H2AZ1: variants seen among roughly 807,000 people sequenced by gnomAD.
H2AZ1 encodes the protein histone H2A.Z.
H2AZ1 carries 3 observed loss-of-function variants against 16.6 expected under a neutral mutation model. That is an observed-to-expected ratio of 0.18 (90% CI 0.08 to 0.47). H2AZ1 has a LOEUF of 0.47. H2AZ1 is among the 20% of genes least tolerant of loss of function. The pLI is 0.98. For synonymous variants in H2AZ1, 78 were observed against 60.7 expected (o/e 1.28, Z -1.32); for missense variants, 27 against 163.6 (o/e 0.17, Z 4.55).
chr4:99,948,598 T>C (rs147645289), intron 4 of H2AZ1, 75 bp from the exon 5 acceptor site: 16,854 of 1,579,980 alleles, frequency 0.011, 139 homozygotes, highest in South Asian at 0.016. Flanking sequence ...AGAAAGTGTA[T>C]ACTGTTCAAC....
In H2AZ1 at chr4:99,948,836, G is replaced by T; in HGVS notation, c.300C>A (p.Leu100=). ...CACCACCAGCAATTGTAGCCTTGAT[G>T]AGAGAATCCAATTCTTCATCTCCAC... is the stretch of plus-strand genomic sequence containing the variant. ...AIRGDEELDS[L]IKATIAGGGV... Residue 100 remains leucine, a synonymous_variant, in exon 4 of 5, where the codon CTC becomes CTA. Transcript: ENST00000296417. The T allele has an allele frequency of 6.2e-7, 1 of 1,610,368 alleles. No individual in the cohort carries two copies. The highest frequency in any genetic ancestry group is 1.1e-5 in the South Asian group (1 of 90,910).
intron 1 of H2AZ1, 155 bp downstream of exon 1, chr4:99,950,013 C>T (rs1406076945): frequency 3.1e-6 from 2 of 635,154 alleles, no homozygotes; most frequent in East Asian, 3.2e-5. Flanking sequence ...GAGGCTGCTC[C>T]GCTAGCAGCC....
At chr4:99,948,563 T>TA (rs754277502) in intron 4 of H2AZ1, 40 bp from the exon 5 acceptor site, 14 of 1,604,838 alleles carry the variant, frequency 8.7e-6, no homozygotes, top group African/African-American at 6.7e-5. Flanking sequence ...TAAGATTTTT[T>TA]AAAAAATCAC....
chr4:99,949,175 C>G, intron 3 of H2AZ1, 98 bp downstream of exon 3: 1 of 738,940 alleles, frequency 1.4e-6, no homozygotes, highest in Non-Finnish European at 2.3e-6. Flanking sequence ...TCGCCGCGTT[C>G]AGGGCCTGGG....
At chr4:99,949,440 G>T (rs1383138790) in intron 2 of H2AZ1, 54 bp from the exon 3 acceptor site, 1 of 1,233,850 alleles carries the variant, frequency 8.1e-7, no homozygotes, top group Non-Finnish European at 1.2e-6. Flanking sequence ...AACTAGAGAT[G>T]GGGAAATTAT....
In H2AZ1 at chr4:99,950,274, G is replaced by T. The variant is rs1578249087; in HGVS notation, c.-104C>A. ...CCTTCGTCGCACCGCGATTCAAACT[G>T]CGCTGTCTCCCGCCTTCCCTGCTCC... On this transcript the variant is annotated 5_prime_UTR_variant, in exon 1 of 5. Transcript: ENST00000296417. 2.8e-6 allele frequency: 3 copies of T among 1,087,340 alleles called. No homozygotes were observed. Among genetic ancestry groups the T allele is most frequent in the Non-Finnish European group, 4.1e-6 (3 of 723,180 alleles). The allele number at this position is 1,087,340 out of a possible 1,614,324, so 67.4% of individuals were successfully genotyped here. A position where few individuals can be genotyped will look rare whatever the true frequency, so the allele number is the denominator to read the frequency against.
intron 1 of H2AZ1, 156 bp from the exon 2 acceptor site, chr4:99,949,896 G>A (rs890516323): frequency 3.8e-5 from 8 of 212,220 alleles, no homozygotes; most frequent in Admixed American, 6.7e-5. Flanking sequence ...GGGCGACCCC[G>A]CCCGTTCGCC....
chr4:99,949,107 T>C lies in H2AZ1; in HGVS notation c.195+166A>G, dbSNP rs1184569892. The C allele has an allele frequency of 4.5e-6, 3 of 669,652 alleles. No individual in the cohort carries two copies. In the Admixed American group the frequency reaches 8.1e-5, roughly 18 times the overall value. The allele number at this position is 669,652 out of a possible 1,614,324, so 41.5% of individuals were successfully genotyped here. A position where few individuals can be genotyped will look rare whatever the true frequency, so the allele number is the denominator to read the frequency against. On this transcript the variant is annotated intron_variant, in intron 3 of 4. Transcript: ENST00000296417. ...AATTTTAATTCCAAGAGCAGAGAAC[T>C]CAAGCTCAGTAGGATCCTTGTTGAA... is the stretch of plus-strand genomic sequence containing the variant.
rs545225901 is a variant in H2AZ1 at position 99,949,641 on chromosome 4, G to A, written c.81+22C>T. The A allele has an allele frequency of 1.8e-5, 29 of 1,603,840 alleles. No individual in the cohort carries two copies. In the Admixed American group the frequency reaches 2.0e-4, roughly 11 times the overall value. On this transcript the variant is annotated intron_variant, in intron 2 of 4. Transcript: ENST00000296417. ...GCAAAGAAAAACATCATGACTCCCA[G>A]ACTGCACGAACAACTACTGACCTGC...
Position 99,950,264 on chromosome 4 carries a change from G to A in H2AZ1, c.-94C>T. On this transcript the variant is annotated 5_prime_UTR_variant, in exon 1 of 5. Coordinates refer to ENST00000296417, the MANE Select transcript of H2AZ1 (RefSeq NM_002106.4). Reference sequence around the variant, plus strand: ...ACCACCTACTCCTTCGTCGCACCGCGATTCAAACTGCGCTGTCTCCCGCCT... The same window carrying A: ...ACCACCTACTCCTTCGTCGCACCGCAATTCAAACTGCGCTGTCTCCCGCCT... 3.4e-6 allele frequency: 4 copies of A among 1,171,184 alleles called. No individual in the cohort carries two copies. Among genetic ancestry groups the A allele is most frequent in the Admixed American group, 3.8e-5 (2 of 52,992 alleles). 72.5% of individuals were successfully genotyped at this position (1,171,184 alleles called of 1,614,324 possible). A position where few individuals can be genotyped will look rare whatever the true frequency, so the allele number is the denominator to read the frequency against.
intron 3 of H2AZ1, 140 bp downstream of exon 3, chr4:99,949,133 C>A: frequency 1.5e-6 from 1 of 659,744 alleles, no homozygotes; most frequent in Non-Finnish European, 2.7e-6. Context: ...CCTTGTTGAA[C>A]ACCAGCTCCC....
chr4:99,948,283 A>C lies in H2AZ1; in HGVS notation c.*179T>G. On this transcript the variant is annotated 3_prime_UTR_variant, in exon 5 of 5. Coordinates refer to ENST00000296417, the MANE Select transcript of H2AZ1 (RefSeq NM_002106.4). ...CCACAGTAACACTTAAATATGGTTA[A>C]GACTCGAATGCAGAAATTTGGTTGG... The C allele has an allele frequency of 1.4e-6, 1 of 721,240 alleles. No individual in the cohort carries two copies. The highest frequency in any genetic ancestry group is 2.6e-6 in the Non-Finnish European group (1 of 389,712). 44.7% of individuals were successfully genotyped at this position (721,240 alleles called of 1,614,324 possible). A position where few individuals can be genotyped will look rare whatever the true frequency, so the allele number is the denominator to read the frequency against.
chr4:99,949,053 C>G, intron 3 of H2AZ1, 113 bp from the exon 4 acceptor site: 1 of 758,362 alleles, frequency 1.3e-6, no homozygotes, highest in Non-Finnish European at 2.3e-6. Context: ...TCCTCACTAT[C>G]TGACTGGCAA....
chr4:99,949,656 T>G lies in H2AZ1; in HGVS notation c.81+7A>C. On this transcript the variant is annotated splice_region_variant and intron_variant, in intron 2 of 4. Coordinates refer to ENST00000296417, the MANE Select transcript of H2AZ1 (RefSeq NM_002106.4). ...ATGACTCCCAGACTGCACGAACAAC[T>G]ACTGACCTGCAAGCCGGCTCTCTGC... is the stretch of plus-strand genomic sequence containing the variant. 6 of 1,612,312 alleles carry G rather than the reference T, an allele frequency of 3.7e-6. No individual in the cohort carries two copies. Among genetic ancestry groups the G allele is most frequent in the Non-Finnish European group, 4.2e-6 (5 of 1,178,380 alleles).
At chr4:99,949,628 A>G in intron 2 of H2AZ1, 35 bp downstream of exon 2, 1 of 1,585,708 alleles carries the variant, frequency 6.3e-7, no homozygotes, top group Non-Finnish European at 8.7e-7. Context: ...AAAGAAAAAC[A>G]TCATGACTCC....
At chr4:99,949,857 C>G in intron 1 of H2AZ1, 117 bp from the exon 2 acceptor site, 2 of 493,292 alleles carry the variant, frequency 4.1e-6, no homozygotes, top group Non-Finnish European at 6.0e-6. Context: ...CGCACCCTGC[C>G]GGGGTCTCCG....
chr4:99,948,416 G>A lies in H2AZ1; in HGVS notation c.*46C>T, dbSNP rs1178784218. The stretch of plus-strand genomic sequence containing the variant: ...CTGGAATCACCAACACTGGACAGCT[G>A]TTAGAGTATTTAGAGTCCTGAGATA... On this transcript the variant is annotated 3_prime_UTR_variant, in exon 5 of 5. Coordinates refer to ENST00000296417, the MANE Select transcript of H2AZ1 (RefSeq NM_002106.4). The A allele has an allele frequency of 9.3e-7, 1 of 1,079,422 alleles. No individual in the cohort carries two copies. Among genetic ancestry groups the A allele is most frequent in the Non-Finnish European group, 1.4e-6 (1 of 692,310 alleles). The allele number at this position is 1,079,422 out of a possible 1,614,324, so 66.9% of individuals were successfully genotyped here. A position where few individuals can be genotyped will look rare whatever the true frequency, so the allele number is the denominator to read the frequency against.
chr4:99,949,567 C>A (rs1344007778), intron 2 of H2AZ1, 96 bp downstream of exon 2: 2 of 1,189,204 alleles, frequency 1.7e-6, no homozygotes, highest in South Asian at 1.2e-5. Flanking sequence ...GCATCACCCA[C>A]GCATACACAA....
rs1404036233 is a variant in H2AZ1, at chr4:99,950,257, G to C, written c.-87C>G. 1 of 1,282,246 alleles carries C rather than the reference G, an allele frequency of 7.8e-7. No individual in the cohort carries two copies. Among genetic ancestry groups the C allele is most frequent in the South Asian group, 1.2e-5 (1 of 81,466 alleles). 79.4% of individuals were successfully genotyped at this position (1,282,246 alleles called of 1,614,324 possible). On this transcript the variant is annotated 5_prime_UTR_variant, in exon 1 of 5. Coordinates refer to ENST00000296417, the MANE Select transcript of H2AZ1 (RefSeq NM_002106.4). The stretch of plus-strand genomic sequence containing the variant: ...AGATCCCACCACCTACTCCTTCGTC[G>C]CACCGCGATTCAAACTGCGCTGTCT...
Sources: gnomAD v4.1 joint callset for allele counts on GRCh38, gnomAD v4.1.1 for gene constraint, MANE v1.5 for transcripts, NCBI Gene and HGNC (gene_info 2026-07-23, HGNC 2026-07-21) for gene names.